LRCH1: variants seen among roughly 807,000 people sequenced by gnomAD.
LRCH1 encodes the protein leucine-rich repeat and calponin homology domain-containing protein 1.
In LRCH1, 23 loss-of-function variants were observed where a neutral mutation model predicts 94.9. The ratio of observed to expected loss-of-function variants is 0.24; its 90% confidence interval spans 0.17 to 0.34. The LOEUF (loss-of-function observed/expected upper bound fraction) is 0.34, where lower values mean the gene tolerates loss of function less well. Among genes scored for constraint, LRCH1 ranks in the 10% least tolerant of loss-of-function variants. LRCH1 has a pLI of 1.00. For synonymous variants in LRCH1, 364 were observed against 354.9 expected, an observed-to-expected ratio of 1.03 and a Z score of -0.29; for missense variants, 790 against 945.9, an observed-to-expected ratio of 0.84 and a Z score of 2.16.
At position 46,728,843 on chromosome 13, in the gene LRCH1, A is replaced by G. The variant is rs1872956773; in HGVS notation, c.1870-4A>G. ...AACTGGCTTCCTTCTGATTTCCCCAACAGAGCATTGAGATGAGATTGAAGG... is the reference window on the plus strand; with the variant it reads ...AACTGGCTTCCTTCTGATTTCCCCAGCAGAGCATTGAGATGAGATTGAAGG... On this transcript the variant is annotated splice_polypyrimidine_tract_variant and splice_region_variant and intron_variant, in intron 17 of 19. Transcript: ENST00000389797. The G allele has an allele frequency of 1.3e-6, 2 of 1,596,810 alleles. No homozygotes were observed. The highest frequency in any genetic ancestry group is 1.7e-6 in the Non-Finnish European group (2 of 1,168,672).
intron 1 of LRCH1, among the ~76,000 whole-genome samples, chr13:46,628,909 C>T (rs900884674): frequency 6.6e-6 from 1 of 152,198 alleles, no homozygotes; most frequent in Admixed American, 6.5e-5. Flanking sequence ...TGTCTTGTAG[C>T]TGGACAGAAA....
chr13:46,672,721 T>A (rs866575660), intron 3 of LRCH1, among the ~76,000 whole-genome samples: 1 of 152,226 alleles, frequency 6.6e-6, no homozygotes, highest in South Asian at 2.1e-4. Flanking sequence ...CTGCCCTGCA[T>A]TACAGGACTG....
At chr13:46,684,183 G>A (rs1293638215) in intron 4 of LRCH1, among the ~76,000 whole-genome samples, 1 of 152,062 alleles carries the variant, frequency 6.6e-6, no homozygotes, top group African/African-American at 2.4e-5. Context: ...TCTTAGCAGT[G>A]GGGAGAGAGA....
intron 2 of LRCH1, among the ~76,000 whole-genome samples, chr13:46,655,817 G>A (rs1593328412): frequency 6.6e-6 from 1 of 152,214 alleles, no homozygotes; most frequent in East Asian, 1.9e-4. Flanking sequence ...AGAAATGAAA[G>A]TTCTGTATAG....
chr13:46,570,220 T>C (rs989607617), intron 1 of LRCH1, among the ~76,000 whole-genome samples: 3 of 152,204 alleles, frequency 2.0e-5, no homozygotes, highest in Admixed American at 2.0e-4. Context: ...GGCTACTAAG[T>C]GGCAAGACTG....
intron 17 of LRCH1, among the ~76,000 whole-genome samples, chr13:46,726,577 G>A (rs1458135330): frequency 3.9e-5 from 6 of 152,278 alleles, no homozygotes; most frequent in East Asian, 3.9e-4. Flanking sequence ...ACCAGCAAGG[G>A]CTGAGTCAAG....
At position 46,744,552 on chromosome 13, in the gene LRCH1, A is replaced by G. The variant is rs1267382266; in HGVS notation, c.*2704A>G. ...TGGAAAGGGGCCCCGCAGAACTACA[A>G]TGTATGATAATCGAGTATAAATTTC... On this transcript the variant is annotated 3_prime_UTR_variant, in exon 20 of 20. Transcript: ENST00000389797. The G allele has an allele frequency of 2.1e-5, 21 of 985,310 alleles. No homozygotes were observed. Among genetic ancestry groups the G allele is most frequent in the Non-Finnish European group, 2.5e-5 (21 of 829,942 alleles). The allele number at this position is 985,310 out of a possible 1,614,324, so 61.0% of individuals were successfully genotyped here.
At chr13:46,614,937 T>G (rs1325005234) in intron 1 of LRCH1, among the ~76,000 whole-genome samples, 2 of 152,224 alleles carry the variant, frequency 1.3e-5, no homozygotes, top group Non-Finnish European at 2.9e-5. Context: ...GCTGGGACTT[T>G]GAGCTCATTC....
chr13:46,670,256 A>G (rs1277072077), intron 3 of LRCH1, among the ~76,000 whole-genome samples: 1 of 152,250 alleles, frequency 6.6e-6, no homozygotes, highest in South Asian at 2.1e-4. Context: ...GCTAGCTCAC[A>G]CCAAAAGTCA....
At chr13:46,563,018 G>T (rs1243394089) in intron 1 of LRCH1, among the ~76,000 whole-genome samples, 1 of 152,050 alleles carries the variant, frequency 6.6e-6, no homozygotes, top group Non-Finnish European at 1.5e-5. Flanking sequence ...AGCTAAGGTG[G>T]GGTCACTTCT....
intron 19 of LRCH1, among the ~76,000 whole-genome samples, chr13:46,739,233 C>T (rs1295319734): frequency 1.3e-5 from 2 of 152,174 alleles, no homozygotes; most frequent in African/African-American, 2.4e-5. Context: ...GTAGTAATCT[C>T]GGTCACACAC....
chr13:46,646,608 A>T (rs1050215633), intron 1 of LRCH1, among the ~76,000 whole-genome samples: 1 of 152,230 alleles, frequency 6.6e-6, no homozygotes, highest in African/African-American at 2.4e-5. Flanking sequence ...GTATCAGCAC[A>T]TATAGAGCTG....
chr13:46,705,008 G>T lies in LRCH1; in HGVS notation c.1401-60G>T, dbSNP rs58371699. 14 of 902,706 alleles carry T rather than the reference G, an allele frequency of 1.6e-5. No homozygotes were observed. The East Asian group carries it at 2.1e-4, about 14-fold the overall frequency. The allele number at this position is 902,706 out of a possible 1,614,324, so 55.9% of individuals were successfully genotyped here. On this transcript the variant is annotated intron_variant, in intron 11 of 19. Transcript: ENST00000389797. ...AAATTTAAACTGAATAAGACCAATA[G>T]AATTTATTAAAAATAAAAGTTTAAT...
intron 1 of LRCH1, among the ~76,000 whole-genome samples, chr13:46,572,856 T>C (rs2050255798): frequency 6.6e-6 from 1 of 152,174 alleles, no homozygotes; most frequent in African/African-American, 2.4e-5. Context: ...CCCTTTCCAC[T>C]GCCTGTTACT....
At position 46,553,266 on chromosome 13, in the gene LRCH1, T is replaced by C. The variant is rs1594237972; in HGVS notation, c.-131T>C. The stretch of plus-strand genomic sequence containing the variant: ...CCATTCTACGCGCCTGCCCACACCC[T>C]CCTCCCCTCCTTCCAGCGCCTTTCG... On this transcript the variant is annotated 5_prime_UTR_variant, in exon 1 of 20. Transcript: ENST00000389797. 1.3e-5 allele frequency: 4 copies of C among 305,502 alleles called. No individual in the cohort carries two copies. Among genetic ancestry groups the C allele is most frequent in the South Asian group, 1.1e-4 (4 of 37,510 alleles). The allele number at this position is 305,502 out of a possible 1,614,324, so 18.9% of individuals were successfully genotyped here. A position where few individuals can be genotyped will look rare whatever the true frequency, so the allele number is the denominator to read the frequency against.
rs774675495 is a variant in LRCH1, at chr13:46,741,803, A to G, written c.2247A>G (p.Ile749Met). The change falls in exon 20 of 20, where the codon ATA becomes ATG. Residue 749 changes from isoleucine (I) to methionine (M), a missense_variant. This residue lies in a region of LRCH1 where 460 missense variants were observed against 508.9 expected (regional missense o/e 0.90). Transcript: ENST00000389797. The part of the protein sequence containing the change: ...IGFCLVHILF[I>M]VLVYITYHWN... ...TCTGTCTTGTCCATATTCTCTTTAT[A>G]GTGCTGGTCTATATCACTTACCACT... 26 of 1,614,064 alleles carry G rather than the reference A, an allele frequency of 1.6e-5. No individual in the cohort carries two copies. In the African/African-American group the frequency reaches 2.9e-4, roughly 18 times the overall value.
chr13:46,662,116 C>T (rs960794503), intron 2 of LRCH1, among the ~76,000 whole-genome samples: 1 of 152,154 alleles, frequency 6.6e-6, no homozygotes, highest in African/African-American at 2.4e-5. Context: ...GAGGTTGAGG[C>T]AGGAGAATCG....
At chr13:46,563,364 A>G (rs1186389395) in intron 1 of LRCH1, among the ~76,000 whole-genome samples, 1 of 151,782 alleles carries the variant, frequency 6.6e-6, no homozygotes, top group East Asian at 1.9e-4. Flanking sequence ...TTTTTTAAGT[A>G]TAGCTTAGTG....
intron 1 of LRCH1, among the ~76,000 whole-genome samples, chr13:46,618,764 T>G (rs941284021): frequency 6.6e-6 from 1 of 152,214 alleles, no homozygotes; most frequent in Non-Finnish European, 1.5e-5. Context: ...GATTTTTTTT[T>G]TCTTGTAGCT....
Sources: allele counts gnomAD v4.1 joint callset (sites outside exome capture counted in the v4.1 genomes callset), GRCh38; gene constraint gnomAD v4.1.1; regional missense constraint gnomAD v4.1.1; transcripts MANE v1.5; gene names NCBI Gene and HGNC (gene_info 2026-07-23, HGNC 2026-07-21).